The following SLC2A13 variants were observed in gnomAD, a reference collection of about 807,000 sequenced individuals.
SLC2A13 encodes proton myo-inositol cotransporter.
In SLC2A13, 32 loss-of-function variants were observed where a neutral mutation model predicts 64.4. The observed-to-expected ratio is 0.50, with a 90% CI of 0.37 to 0.67. The LOEUF is 0.67. Among genes scored for constraint, SLC2A13 ranks in the 30% least tolerant of loss-of-function variants. The probability of loss-of-function intolerance (pLI) is 0.00; values close to 1 mark genes in which losing one functional copy is unlikely to be tolerated. For missense variants in SLC2A13, 743 were observed against 829.2 expected, an observed-to-expected ratio of 0.90 and a Z score of 1.28; for synonymous variants, 338 against 327.1, an observed-to-expected ratio of 1.03 and a Z score of -0.36.
intron 7 of SLC2A13, among the ~76,000 whole-genome samples, chr12:39,774,933 A>G (rs1247248764): frequency 6.6e-6 from 1 of 152,210 alleles, no homozygotes; most frequent in Non-Finnish European, 1.5e-5. Flanking sequence ...CTATAGCAAT[A>G]GTGGTACAGT....
At chr12:40,067,570 T>C (rs17518239) in intron 1 of SLC2A13, among the ~76,000 whole-genome samples, 79 of 152,300 alleles carry the variant, frequency 5.2e-4, no homozygotes, top group Admixed American at 1.6e-3. Flanking sequence ...GACATGCTAA[T>C]TCTATGCAAT....
chr12:40,090,154 T>C (rs1938715131), intron 1 of SLC2A13, among the ~76,000 whole-genome samples: 1 of 152,178 alleles, frequency 6.6e-6, no homozygotes, highest in South Asian at 2.1e-4. Flanking sequence ...CACCAAGAAA[T>C]GGTTTCAAAG....
At chr12:39,838,021 G>A (rs1334632523) in intron 6 of SLC2A13, among the ~76,000 whole-genome samples, 4 of 151,096 alleles carry the variant, frequency 2.6e-5, no homozygotes, top group African/African-American at 9.7e-5. Context: ...AAATCATGCT[G>A]CTATAAAGAC....
chr12:39,794,991 A>C (rs1379405756), intron 7 of SLC2A13, among the ~76,000 whole-genome samples: 2 of 152,012 alleles, frequency 1.3e-5, no homozygotes, highest in Non-Finnish European at 2.9e-5. Context: ...CAGCAGTCTC[A>C]TTCTAATCTG....
chr12:39,885,057 AGTGATATG>A lies in SLC2A13; in HGVS notation c.1035-13104_1035-13097del, dbSNP rs1331200402. Among the ~76,000 whole-genome samples, 4 of 152,368 alleles carry A rather than the reference AGTGATATG, an allele frequency of 2.6e-5. No homozygotes were observed. The East Asian group carries it at 7.7e-4, about 29-fold the overall frequency. On this transcript the variant is annotated intron_variant, in intron 4 of 9. Transcript: ENST00000280871. ...TCTTGATTTTGACTTTCTAGATGAC[AGTGATATG>A]AATTGTGACTACATTTAAGAGTTGC...
At chr12:40,100,171 T>C (rs1037641843) in intron 1 of SLC2A13, among the ~76,000 whole-genome samples, 8 of 152,220 alleles carry the variant, frequency 5.3e-5, no homozygotes, top group African/African-American at 1.9e-4. Flanking sequence ...AATTTACAGC[T>C]ACAAATTGTG....
chr12:40,025,194 C>T (rs1454892518), intron 3 of SLC2A13, among the ~76,000 whole-genome samples: 1 of 152,242 alleles, frequency 6.6e-6, no homozygotes, highest in Non-Finnish European at 1.5e-5. Flanking sequence ...TTCCATTGCA[C>T]TCCAACCTTA....
intron 3 of SLC2A13, among the ~76,000 whole-genome samples, chr12:40,011,248 A>G (rs894207251): frequency 3.3e-5 from 5 of 152,168 alleles, no homozygotes; most frequent in African/African-American, 1.2e-4. Flanking sequence ...GTGTATTTGT[A>G]GCATTAAACA....
chr12:40,069,454 A>G (rs556569007), intron 1 of SLC2A13, among the ~76,000 whole-genome samples: 2 of 152,220 alleles, frequency 1.3e-5, no homozygotes, highest in Admixed American at 1.3e-4. Flanking sequence ...CAAGAAATAT[A>G]AAAGAAATTA....
At chr12:40,002,412 A>G (rs1020069509) in intron 3 of SLC2A13, among the ~76,000 whole-genome samples, 2 of 152,180 alleles carry the variant, frequency 1.3e-5, no homozygotes, top group African/African-American at 4.8e-5. Flanking sequence ...CTTGATCCCA[A>G]ATACAAAGAA....
intron 1 of SLC2A13, among the ~76,000 whole-genome samples, chr12:40,076,587 C>A (rs574331484): frequency 6.6e-6 from 1 of 152,070 alleles, no homozygotes; most frequent in South Asian, 2.1e-4. Context: ...CATGTCTTTG[C>A]TGTGTGAACA....
intron 1 of SLC2A13, among the ~76,000 whole-genome samples, chr12:40,070,971 T>C (rs1163933864): frequency 1.3e-5 from 2 of 152,170 alleles, no homozygotes; most frequent in Non-Finnish European, 2.9e-5. Flanking sequence ...ACCGGTTATA[T>C]GCAGGGACTT....
At chr12:39,981,390 G>T (rs1389692302) in intron 3 of SLC2A13, among the ~76,000 whole-genome samples, 5 of 151,934 alleles carry the variant, frequency 3.3e-5, no homozygotes, top group Non-Finnish European at 7.4e-5. Flanking sequence ...TCCAGGAGCT[G>T]GTTTTTTGAA....
intron 1 of SLC2A13, among the ~76,000 whole-genome samples, chr12:40,074,926 T>A (rs1351245354): frequency 6.6e-6 from 1 of 152,188 alleles, no homozygotes; most frequent in East Asian, 1.9e-4. Context: ...TGGAACAGAA[T>A]GGCTAGAGGG....
At chr12:39,971,997 A>AAAATATATATATATATATATATAT (rs1375405006) in intron 3 of SLC2A13, among the ~76,000 whole-genome samples, 4 of 77,354 alleles carry the variant, frequency 5.2e-5, no homozygotes, top group Non-Finnish European at 7.4e-5. Flanking sequence ...AAAAAAAAAA[A>AAAATATATATATATATATATATAT]ATATATATAT....
intron 3 of SLC2A13, among the ~76,000 whole-genome samples, chr12:39,995,821 C>T (rs1009909894): frequency 2.6e-5 from 4 of 152,140 alleles, no homozygotes; most frequent in South Asian, 2.1e-4. Flanking sequence ...GTTTTAAAAA[C>T]GGGAGTTTCC....
chr12:40,057,781 T>A lies in SLC2A13; in HGVS notation c.557-9571A>T, dbSNP rs533205223. ...TGCCTGAATAATTTTTACACAAAAATTTCTGCTTATTTTTTCAACTTTCAA... is the reference window on the plus strand; with the variant it reads ...TGCCTGAATAATTTTTACACAAAAAATTCTGCTTATTTTTTCAACTTTCAA... On this transcript the variant is annotated intron_variant, in intron 1 of 9. Transcript: ENST00000280871. Among the ~76,000 whole-genome samples, 33 of 152,226 alleles carry A rather than the reference T, an allele frequency of 2.2e-4. 1 individual carries two copies. The highest frequency in any genetic ancestry group is 7.7e-4 in the African/African-American group (32 of 41,560).
chr12:39,992,878 G>A (rs1023266941), intron 3 of SLC2A13, among the ~76,000 whole-genome samples: 3 of 152,138 alleles, frequency 2.0e-5, no homozygotes, highest in African/African-American at 7.2e-5. Flanking sequence ...TTCTCACACA[G>A]AAAAACTGGG....
chr12:39,794,910 T>G (rs1190676399), intron 7 of SLC2A13, among the ~76,000 whole-genome samples: 4 of 152,202 alleles, frequency 2.6e-5, no homozygotes, highest in African/African-American at 9.6e-5. Context: ...TAATTGCTCT[T>G]GCCTTGAAGA....
Sources: allele counts gnomAD v4.1 joint callset (sites outside exome capture counted in the v4.1 genomes callset), GRCh38; gene constraint gnomAD v4.1.1; transcripts MANE v1.5; gene names NCBI Gene and HGNC (gene_info 2026-07-23, HGNC 2026-07-21).